The following GPR149 variants were observed in gnomAD, a reference collection of about 807,000 sequenced individuals.
GPR149 encodes the protein probable G protein-coupled receptor 149.
In GPR149, 50 loss-of-function variants were observed where a neutral mutation model predicts 50.2. The observed-to-expected ratio is 1.00, with a 90% CI of 0.79 to 1.26. The LOEUF (loss-of-function observed/expected upper bound fraction) is 1.26, where lower values mean the gene tolerates loss of function less well. GPR149 is among the 50% of genes most tolerant of loss of function. GPR149 has a pLI of 0.00. For missense variants in GPR149, 983 were observed against 895.4 expected (o/e 1.10, Z -1.25); for synonymous variants, 405 against 358.2 (o/e 1.13, Z -1.48).
intron 3 of GPR149, among the ~76,000 whole-genome samples, chr3:154,389,923 G>A (rs1715126522): frequency 6.6e-6 from 1 of 152,214 alleles, no homozygotes; most frequent in Non-Finnish European, 1.5e-5. Context: ...TGTGAGGGAA[G>A]AAAAGAATTG....
rs72998658 is a variant in GPR149 at position 154,360,063 on chromosome 3, A to G, written c.1624-21792T>C. On this transcript the variant is annotated intron_variant, in intron 3 of 3. Coordinates refer to ENST00000389740, the MANE Select transcript of GPR149 (RefSeq NM_001038705.3). ...CCAAACAGAAACAAAAGATTCATCC[A>G]CTTCTGTAAGCAGTTGCCCAGAAAG... 5.7e-3 allele frequency among the ~76,000 whole-genome samples: 869 copies of G among 152,284 alleles called. 12 individuals are homozygous for G. The highest frequency in any genetic ancestry group is 0.019 in the African/African-American group (810 of 41,552).
chr3:154,425,043 GCAAAA>G lies in GPR149; in HGVS notation c.1174+2468_1174+2472del, dbSNP rs532538353. Among the ~76,000 whole-genome samples, 11 of 151,846 alleles carry G rather than the reference GCAAAA, an allele frequency of 7.2e-5. No individual in the cohort carries two copies. In the East Asian group the frequency reaches 1.2e-3, roughly 16 times the overall value. On this transcript the variant is annotated intron_variant, in intron 2 of 3. Coordinates refer to ENST00000389740, the MANE Select transcript of GPR149 (RefSeq NM_001038705.3). ...CCTCTATGTTAAAATCATTTGAGAA[GCAAAA>G]CAAAACAAAACAAAACAACAACAAC...
chr3:154,352,388 T>A, intron 3 of GPR149: 1 of 1,132,296 alleles, frequency 8.8e-7, no homozygotes, highest in Admixed American at 1.8e-5. Flanking sequence ...GCACTGAGAG[T>A]ATCCAGTTGG....
At chr3:154,390,406 G>A (rs1715143690) in intron 3 of GPR149, among the ~76,000 whole-genome samples, 1 of 151,936 alleles carries the variant, frequency 6.6e-6, no homozygotes, top group Admixed American at 6.6e-5. Flanking sequence ...AGATCATAGA[G>A]ATGAAGAGTA....
chr3:154,337,698 A>C lies in GPR149; in HGVS notation c.*1T>G. 1 of 1,583,228 alleles carries C rather than the reference A, an allele frequency of 6.3e-7. No homozygotes were observed. Among genetic ancestry groups the C allele is most frequent in the Non-Finnish European group, 8.6e-7 (1 of 1,165,042 alleles). ...CTTGCTCCTGTTAGACCAAATACCC[A>C]CTAACTACCCTTGCTTTCTTCCTCT... On this transcript the variant is annotated 3_prime_UTR_variant, in exon 4 of 4. Coordinates refer to ENST00000389740, the MANE Select transcript of GPR149 (RefSeq NM_001038705.3).
chr3:154,381,740 A>T (rs1714933806), intron 3 of GPR149, among the ~76,000 whole-genome samples: 1 of 152,198 alleles, frequency 6.6e-6, no homozygotes, highest in African/African-American at 2.4e-5. Context: ...GAAGAAATAA[A>T]GGTAATTATT....
intron 3 of GPR149, among the ~76,000 whole-genome samples, chr3:154,397,970 G>A (rs1715332782): frequency 1.3e-5 from 2 of 151,664 alleles, no homozygotes; most frequent in Admixed American, 1.3e-4. Flanking sequence ...TGAGAATCAG[G>A]TAGTTGTATG....
intron 3 of GPR149, among the ~76,000 whole-genome samples, chr3:154,382,445 C>T (rs1490295746): frequency 6.6e-6 from 1 of 152,172 alleles, no homozygotes; most frequent in Non-Finnish European, 1.5e-5. Flanking sequence ...ATGAACACAG[C>T]ACTCAGATGG....
chr3:154,427,557 C>T lies in GPR149; in HGVS notation c.1133G>A (p.Cys378Tyr), dbSNP rs765019562. 2 of 1,613,726 alleles carry T rather than the reference C, an allele frequency of 1.2e-6. No individual in the cohort carries two copies. The highest frequency in any genetic ancestry group is 1.1e-5 in the South Asian group (1 of 91,038). The stretch of plus-strand genomic sequence containing the variant: ...CGCCACTGCATATGCGTTCTGCCTG[C>T]AGTTGATGATGCAGCCACAGGGCAA... ...THLPCGCIINCRQNAYAVASD... is the reference protein window; with the variant it reads ...THLPCGCIINYRQNAYAVASD... The change falls in exon 2 of 4, where the codon TGC (cysteine) becomes TAC (tyrosine). Residue 378 changes from cysteine to tyrosine, a missense_variant. Cys to Tyr is a radical substitution (Grantham distance 194). Transcript: ENST00000389740.
At chr3:154,410,343 C>T (rs1310466250) in intron 3 of GPR149, among the ~76,000 whole-genome samples, 1 of 152,034 alleles carries the variant, frequency 6.6e-6, no homozygotes, top group East Asian at 1.9e-4. Flanking sequence ...GTTATTCAGG[C>T]AACAAATAGC....
rs377140644 is a variant in GPR149 at position 154,428,558 on chromosome 3, C to A, written c.981+77G>T. ...GTGTGTCTCTTGGTGACTCCCCAAA[C>A]CGGCGACGCCGGTCCCAACACTCAT... On this transcript the variant is annotated intron_variant, in intron 1 of 3. Transcript: ENST00000389740. 9.0e-5 allele frequency: 134 copies of A among 1,489,944 alleles called. 8 individuals carry two copies. The highest frequency in any genetic ancestry group is 7.2e-4 in the Admixed American group (33 of 45,774). 92.3% of individuals were successfully genotyped at this position (1,489,944 alleles called of 1,614,324 possible).
chr3:154,384,655 A>C (rs185513468), intron 3 of GPR149, among the ~76,000 whole-genome samples: 1 of 152,358 alleles, frequency 6.6e-6, no homozygotes, highest in Admixed American at 6.5e-5. Flanking sequence ...GAGAAAACAC[A>C]GGCAAAGAGC....
intron 3 of GPR149, among the ~76,000 whole-genome samples, chr3:154,396,493 T>C (rs1217697635): frequency 6.6e-6 from 1 of 152,160 alleles, no homozygotes; most frequent in African/African-American, 2.4e-5. Flanking sequence ...AAATTTGTTG[T>C]GACTTAGTAT....
chr3:154,381,160 T>C (rs979798353), intron 3 of GPR149, among the ~76,000 whole-genome samples: 6 of 152,174 alleles, frequency 3.9e-5, no homozygotes, highest in African/African-American at 1.2e-4. Flanking sequence ...TGGATGCAAT[T>C]GAAATATTTT....
chr3:154,404,559 TG>T (rs1711624921), intron 3 of GPR149, among the ~76,000 whole-genome samples: 1 of 152,216 alleles, frequency 6.6e-6, no homozygotes. Flanking sequence ...AATCTGCCTC[TG>T]TGAGGGGAAT....
intron 3 of GPR149, chr3:154,353,029 C>A (rs1165224488): frequency 7.3e-7 from 1 of 1,367,004 alleles, no homozygotes; most frequent in Non-Finnish European, 1.0e-6. Flanking sequence ...AAACTATCTT[C>A]TCTGAAGCCT....
At chr3:154,374,169 C>CTTTTCTTTTTTTTT (rs1553764330) in intron 3 of GPR149, among the ~76,000 whole-genome samples, 1 of 103,174 alleles carries the variant, frequency 9.7e-6, no homozygotes, top group African/African-American at 3.9e-5. Context: ...CTTTTCTTTT[C>CTTTTCTTTTTTTTT]TTTTTTTTTT....
At chr3:154,420,442 T>A (rs1284573432) in intron 3 of GPR149, among the ~76,000 whole-genome samples, 1 of 152,010 alleles carries the variant, frequency 6.6e-6, no homozygotes. Context: ...TAAAATATTA[T>A]AAAATGATTC....
intron 3 of GPR149, among the ~76,000 whole-genome samples, chr3:154,356,746 G>T (rs565460787): frequency 1.1e-4 from 17 of 152,138 alleles, no homozygotes; most frequent in African/African-American, 2.7e-4. Context: ...TGTGAAAATG[G>T]CCATACTGCC....
Sources: allele counts gnomAD v4.1 joint callset (sites outside exome capture counted in the v4.1 genomes callset), GRCh38; gene constraint gnomAD v4.1.1; transcripts MANE v1.5; gene names NCBI Gene and HGNC (gene_info 2026-07-23, HGNC 2026-07-21).